NDST3: variants seen among roughly 807,000 people sequenced by gnomAD.
NDST3 encodes bifunctional heparan sulfate N-deacetylase/N-sulfotransferase 3.
NDST3 carries 58 observed loss-of-function variants against 96.1 expected under a neutral mutation model. The ratio of observed to expected loss-of-function variants is 0.60; its 90% CI spans 0.49 to 0.75. The LOEUF (loss-of-function observed/expected upper bound fraction) is 0.75. Ranked by LOEUF, NDST3 falls within the 30% of genes least tolerant of loss-of-function variation. The pLI, the probability that NDST3 is intolerant of heterozygous loss-of-function variation, is 0.00. For missense variants in NDST3, 788 were observed against 1,034.2 expected (o/e 0.76, Z 3.27); for synonymous variants, 333 against 359.7 (o/e 0.93, Z 0.84).
At chr4:118,226,606 C>G (rs1479339262) in intron 7 of NDST3, among the ~76,000 whole-genome samples, 1 of 152,080 alleles carries the variant, frequency 6.6e-6, no homozygotes, top group Non-Finnish European at 1.5e-5. Flanking sequence ...AAAAATAGAA[C>G]TGCTAGTAGC....
At position 118,192,234 on chromosome 4, in the gene NDST3, T is replaced by C. The variant is rs542739813; in HGVS notation, c.1540-32257T>C. On this transcript the variant is annotated intron_variant, in intron 6 of 13. Coordinates refer to ENST00000296499, the MANE Select transcript of NDST3 (RefSeq NM_004784.3). ...CAAATATTTTCTCCCATTCTGTGGG[T>C]AGTCTCTTCACTTTGTTGATTGTTT... Among the ~76,000 whole-genome samples, 5 of 152,334 alleles carry C rather than the reference T, an allele frequency of 3.3e-5. No individual in the cohort carries two copies. In the East Asian group the frequency reaches 9.6e-4, roughly 29 times the overall value.
At chr4:118,106,918 G>A (rs904450837) in intron 3 of NDST3, among the ~76,000 whole-genome samples, 14 of 152,048 alleles carry the variant, frequency 9.2e-5, no homozygotes, top group African/African-American at 3.4e-4. Context: ...GTGAAAACCT[G>A]TCTCTACTAA....
chr4:118,087,056 T>TG (rs1462968696), intron 2 of NDST3, among the ~76,000 whole-genome samples: 1 of 152,130 alleles, frequency 6.6e-6, no homozygotes, highest in Non-Finnish European at 1.5e-5. Flanking sequence ...AGTTTTTTTT[T>TG]GTTTCTAGAC....
intron 2 of NDST3, among the ~76,000 whole-genome samples, chr4:118,065,464 A>G (rs1445216548): frequency 3.3e-5 from 5 of 152,042 alleles, no homozygotes; most frequent in African/African-American, 1.2e-4. Context: ...GTACCTCACC[A>G]AAGATTGCTT....
rs111615479 is a variant in NDST3 at position 118,043,138 on chromosome 4, G to T, written c.-156+8546G>T. On this transcript the variant is annotated intron_variant, in intron 1 of 13. Transcript: ENST00000296499. The stretch of plus-strand genomic sequence containing the variant: ...TAATTGCATAATGATAAGTATTTTT[G>T]GTGGGTGAAGGTTTTATCTACCATA... Among the ~76,000 whole-genome samples, 10 of 152,250 alleles carry T rather than the reference G, an allele frequency of 6.6e-5. 1 individual carries two copies. The highest frequency in any genetic ancestry group is 2.2e-4 in the African/African-American group (9 of 41,550).
chr4:118,033,482 C>T (rs116337829), upstream of NDST3: 15,318 of 152,110 alleles, frequency 0.1, 1,015 homozygotes, highest in African/African-American at 0.18. Context: ...GCAGCCAGAT[C>T]CTCAGGGCCG....
intron 1 of NDST3, among the ~76,000 whole-genome samples, chr4:118,050,226 A>G (rs958578071): frequency 1.3e-5 from 2 of 152,068 alleles, no homozygotes; most frequent in Non-Finnish European, 1.5e-5. Context: ...TTAAAGGAAC[A>G]TATCTTAAAA....
intron 11 of NDST3, among the ~76,000 whole-genome samples, chr4:118,241,611 G>A (rs1039755305): frequency 6.6e-6 from 1 of 152,188 alleles, no homozygotes; most frequent in Admixed American, 6.5e-5. Context: ...ACCTGACAGT[G>A]CTATTCCTGA....
intron 4 of NDST3, among the ~76,000 whole-genome samples, chr4:118,123,134 T>C (rs907197271): frequency 1.3e-5 from 2 of 152,334 alleles, no homozygotes; most frequent in East Asian, 3.9e-4. Context: ...AAGAGCTGTC[T>C]ATAGGATTTA....
intron 3 of NDST3, 74 bp downstream of exon 3, chr4:118,105,179 C>T: frequency 9.6e-7 from 1 of 1,046,038 alleles, no homozygotes; most frequent in Non-Finnish European, 1.5e-6. Flanking sequence ...ACTTTTCCTG[C>T]CCACACTGTC....
intron 3 of NDST3, among the ~76,000 whole-genome samples, chr4:118,107,854 T>C (rs143030190): frequency 1.4e-3 from 220 of 152,344 alleles, no homozygotes; most frequent in African/African-American, 5.1e-3. Context: ...GGAGAATTCA[T>C]AATAAACTGA....
rs904267456 is a variant in NDST3, at chr4:118,054,324, G to A, written c.414G>A (p.Lys138=). 20 of 1,608,862 alleles carry A rather than the reference G, an allele frequency of 1.2e-5. No individual in the cohort carries two copies. Among genetic ancestry groups the A allele is most frequent in the Non-Finnish European group, 1.7e-5 (20 of 1,176,710 alleles). Residue 138 remains lysine, a synonymous_variant, in exon 2 of 14, where the codon AAG becomes AAA. Transcript: ENST00000296499. ...YILIIYENIL[K]YINMDSWNRS... ...TCATTATTTATGAGAATATTTTAAA[G>A]TATATAAATATGGATTCCTGGAATC... is the stretch of plus-strand genomic sequence containing the variant.
intron 2 of NDST3, among the ~76,000 whole-genome samples, chr4:118,099,416 G>A (rs1286745400): frequency 6.6e-6 from 1 of 152,078 alleles, no homozygotes. Context: ...ACACAGTCCA[G>A]CCTTTGGTCT....
chr4:118,069,888 T>C (rs1483294710), intron 2 of NDST3, among the ~76,000 whole-genome samples: 1 of 152,090 alleles, frequency 6.6e-6, no homozygotes, highest in Non-Finnish European at 1.5e-5. Context: ...TTAACCTTTA[T>C]GTATTTATAT....
At chr4:118,058,501 G>A (rs1346329160) in intron 2 of NDST3, among the ~76,000 whole-genome samples, 3 of 149,878 alleles carry the variant, frequency 2.0e-5, no homozygotes, top group Non-Finnish European at 4.4e-5. Flanking sequence ...ACAAGCCATA[G>A]CCTGTAAAGA....
chr4:118,108,332 T>G (rs570128514), intron 3 of NDST3, among the ~76,000 whole-genome samples: 23 of 152,316 alleles, frequency 1.5e-4, no homozygotes, highest in African/African-American at 4.8e-4. Context: ...GCCTTTGCAT[T>G]TTATAACATA....
intron 9 of NDST3, among the ~76,000 whole-genome samples, chr4:118,235,887 G>A (rs1740611789): frequency 6.6e-6 from 1 of 152,172 alleles, no homozygotes; most frequent in Non-Finnish European, 1.5e-5. Context: ...TGAATCTCAA[G>A]ATATCACTGT....
At chr4:118,054,959 T>G in intron 2 of NDST3, 68 bp downstream of exon 2, 1 of 1,585,484 alleles carries the variant, frequency 6.3e-7, no homozygotes, top group Non-Finnish European at 8.6e-7. Flanking sequence ...CTATCCCAGT[T>G]TGTACTACAA....
In NDST3 at chr4:118,048,334, A is replaced by T. The variant is rs142455419; in HGVS notation, c.-155-5422A>T. ...CCTAGACAATCAAGTCTTCATAACAACCAGCTAACAACATGATGACAGGAC... is the reference window on the plus strand; with the variant it reads ...CCTAGACAATCAAGTCTTCATAACATCCAGCTAACAACATGATGACAGGAC... On this transcript the variant is annotated intron_variant, in intron 1 of 13. Transcript: ENST00000296499. Among the ~76,000 whole-genome samples the T allele has an allele frequency of 9.5e-3, 1,453 of 152,208 alleles. 13 individuals are homozygous for T. Among genetic ancestry groups the T allele is most frequent in the Non-Finnish European group, 0.014 (952 of 67,998 alleles).
Sources: gnomAD v4.1 joint callset for allele counts (sites outside exome capture counted in the v4.1 genomes callset) on GRCh38, gnomAD v4.1.1 for gene constraint, MANE v1.5 for transcripts, NCBI Gene and HGNC (gene_info 2026-07-23, HGNC 2026-07-21) for gene names.